P2RX3: variants seen among roughly 807,000 people sequenced by gnomAD.
P2RX3 encodes the protein P2X purinoceptor 3.
P2RX3 carries 41 observed loss-of-function variants against 51.5 expected under a neutral mutation model. The observed-to-expected ratio is 0.80, with a 90% CI of 0.62 to 1.03. P2RX3 has a LOEUF of 1.03. P2RX3 is among the 50% of genes least tolerant of loss of function. The pLI, the probability that P2RX3 is intolerant of heterozygous loss-of-function variation, is 0.00. For synonymous variants in P2RX3, 185 were observed against 191.6 expected (o/e 0.97, Z 0.29); for missense variants, 459 against 522.1 (o/e 0.88, Z 1.18).
Position 57,369,941 on chromosome 11 carries a change from C to A in P2RX3, c.1138C>A (p.Gln380Lys). 6.2e-7 allele frequency: 1 copy of A among 1,614,124 alleles called. No homozygotes were observed. The highest frequency in any genetic ancestry group is 8.5e-7 in the Non-Finnish European group (1 of 1,180,016). The change falls in exon 12 of 12, where the codon CAG becomes AAG. Residue 380 changes from glutamine to lysine, a missense_variant. Gln to Lys is a moderately conservative substitution (Grantham distance 53, BLOSUM62 1). Transcript: ENST00000263314. ...GACCAACCCAGTGTACCCCAGCGAC[C>A]AGACCACAGCGGAGAAGCAGTCCAC... ...ALTNPVYPSDQTTAEKQSTDS... is the reference protein window; with the variant it reads ...ALTNPVYPSDKTTAEKQSTDS...
chr11:57,347,929 A>G (rs1808385601), intron 4 of P2RX3, among the ~76,000 whole-genome samples: 1 of 152,004 alleles, frequency 6.6e-6, no homozygotes, highest in African/African-American at 2.4e-5. Flanking sequence ...AGGAAGCACA[A>G]GAAGAAGAGG....
At chr11:57,343,243 A>C (rs1472465970) in intron 1 of P2RX3, among the ~76,000 whole-genome samples, 1 of 152,178 alleles carries the variant, frequency 6.6e-6, no homozygotes, top group Non-Finnish European at 1.5e-5. Context: ...CACAAGAAGG[A>C]GCCTTGAAGG....
intron 8 of P2RX3, among the ~76,000 whole-genome samples, chr11:57,354,748 C>T (rs962886629): frequency 7.9e-5 from 12 of 151,298 alleles, no homozygotes; most frequent in African/African-American, 2.4e-4. Flanking sequence ...TGTGTGTGTG[C>T]GTGAGTGTAT....
intron 8 of P2RX3, among the ~76,000 whole-genome samples, chr11:57,365,287 G>A (rs1445890988): frequency 6.6e-6 from 1 of 152,198 alleles, no homozygotes; most frequent in East Asian, 1.9e-4. Flanking sequence ...GAACTAACCA[G>A]GCCAGTGAAG....
chr11:57,366,718 C>G (rs1041406974), intron 8 of P2RX3, among the ~76,000 whole-genome samples: 1 of 152,142 alleles, frequency 6.6e-6, no homozygotes, highest in Non-Finnish European at 1.5e-5. Flanking sequence ...TGGAGCCAGA[C>G]GCATCTGGTG....
chr11:57,371,534 G>A lies in P2RX3; in HGVS notation c.*1537G>A. On this transcript the variant is annotated 3_prime_UTR_variant, in exon 12 of 12. Transcript: ENST00000263314. ...GGACAGCTTCAGGAGTAGTTCAGGA[G>A]GCTCAAATGGTGGGTACTTGCAAAG... Among the ~76,000 whole-genome samples the A allele has an allele frequency of 6.6e-6, 1 of 152,178 alleles. No individual in the cohort carries two copies. The highest frequency in any genetic ancestry group is 1.9e-4 in the East Asian group (1 of 5,188).
chr11:57,344,437 G>A (rs992874536), intron 1 of P2RX3, among the ~76,000 whole-genome samples: 11 of 152,294 alleles, frequency 7.2e-5, no homozygotes, highest in South Asian at 2.1e-4. Flanking sequence ...GGTGGATCCC[G>A]CCTGTAATCC....
chr11:57,369,979 C>G lies in P2RX3; in HGVS notation c.1176C>G (p.Ala392=). ...TAEKQSTDSG[A]FSIGH ...AGAAGCAGTCCACCGATTCGGGGGC[C>G]TTCTCCATAGGCCACTAGGGCCTCT... The change falls in exon 12 of 12, where the codon GCC becomes GCG. Residue 392 remains alanine, a synonymous_variant. Coordinates refer to ENST00000263314, the MANE Select transcript of P2RX3 (RefSeq NM_002559.5). 1.2e-6 allele frequency: 2 copies of G among 1,613,454 alleles called. No individual in the cohort carries two copies.
intron 8 of P2RX3, among the ~76,000 whole-genome samples, chr11:57,354,532 C>T (rs144111867): frequency 2.9e-3 from 447 of 152,302 alleles, no homozygotes; most frequent in African/African-American, 0.01. Flanking sequence ...AGGAGGCTCT[C>T]TTCTCTGTTG....
At chr11:57,357,990 T>C (rs546153171) in intron 8 of P2RX3, among the ~76,000 whole-genome samples, 3 of 152,362 alleles carry the variant, frequency 2.0e-5, no homozygotes, top group African/African-American at 4.8e-5. Context: ...CTGTTTTTCC[T>C]GCTGCTGTAA....
At chr11:57,348,823 C>T (rs1856491363) in intron 6 of P2RX3, 119 bp downstream of exon 6, 2 of 705,398 alleles carry the variant, frequency 2.8e-6, no homozygotes, top group Admixed American at 4.7e-5. Flanking sequence ...CTCCACTGAC[C>T]CATCTCCCTG....
chr11:57,345,254 T>A (rs1856410644), intron 1 of P2RX3, among the ~76,000 whole-genome samples: 1 of 152,218 alleles, frequency 6.6e-6, no homozygotes, highest in Non-Finnish European at 1.5e-5. Context: ...TCCAACCTCG[T>A]GCCACCCTGG....
At chr11:57,368,589 C>T in intron 10 of P2RX3, 152 bp downstream of exon 10, 1 of 820,454 alleles carries the variant, frequency 1.2e-6, no homozygotes, top group Non-Finnish European at 1.9e-6. Context: ...TCTCCTTGGC[C>T]ACCACCCTGC....
At chr11:57,348,755 G>A (rs1250788510) in intron 6 of P2RX3, 51 bp downstream of exon 6, 4 of 1,414,976 alleles carry the variant, frequency 2.8e-6, no homozygotes, top group Non-Finnish European at 3.0e-6. Flanking sequence ...CCCCGGCCCT[G>A]CCAACCTGTT....
chr11:57,367,909 T>C, intron 8 of P2RX3, 100 bp from the exon 9 acceptor site: 1 of 874,212 alleles, frequency 1.1e-6, no homozygotes, highest in East Asian at 2.5e-5. Context: ...AAGTAAGGGT[T>C]GCTCAGTGAG....
In P2RX3 at chr11:57,366,233, G is replaced by A. The variant is rs150473281; in HGVS notation, c.843-1776G>A. ...CGCAGCAGGAAGTGCACTGGCTTTA[G>A]AAGCTGAAAGACTGATGCGATTTGA... On this transcript the variant is annotated intron_variant, in intron 8 of 11. Coordinates refer to ENST00000263314, the MANE Select transcript of P2RX3 (RefSeq NM_002559.5). 2.8e-3 allele frequency among the ~76,000 whole-genome samples: 427 copies of A among 152,322 alleles called. 2 individuals carry two copies. Among genetic ancestry groups the A allele is most frequent in the African/African-American group, 9.8e-3 (409 of 41,560 alleles).
intron 8 of P2RX3, among the ~76,000 whole-genome samples, chr11:57,363,246 T>C (rs1856747267): frequency 6.6e-6 from 1 of 152,226 alleles, no homozygotes; most frequent in Non-Finnish European, 1.5e-5. Context: ...AGCTCTTTCT[T>C]TGTCCCTTGG....
rs1424660967 is a variant in P2RX3 at position 57,370,858 on chromosome 11, T to A, written c.*861T>A. ...GATTTGATTCCCGGACCTGGGATCC[T>A]GTCGTAGGCTGGGACCCTGTTCCAG... On this transcript the variant is annotated 3_prime_UTR_variant, in exon 12 of 12. Transcript: ENST00000263314. Among the ~76,000 whole-genome samples the A allele has an allele frequency of 6.6e-6, 1 of 152,220 alleles. No individual in the cohort carries two copies. The highest frequency in any genetic ancestry group is 2.4e-5 in the African/African-American group (1 of 41,460).
chr11:57,336,860 C>T (rs1312882024), upstream of P2RX3, among the ~76,000 whole-genome samples: 2 of 152,240 alleles, frequency 1.3e-5, no homozygotes, highest in Non-Finnish European at 2.9e-5. Context: ...CTCCCCTGAA[C>T]TCATAGCTTT....
Sources: allele counts gnomAD v4.1 joint callset (sites outside exome capture counted in the v4.1 genomes callset), GRCh38; gene constraint gnomAD v4.1.1; transcripts MANE v1.5; gene names NCBI Gene and HGNC (gene_info 2026-07-23, HGNC 2026-07-21).